Variants in NEDD4 observed in about 807,000 individuals in gnomAD.
NEDD4 encodes NEDD4 E3 ubiquitin protein ligase.
NEDD4 carries 99 observed loss-of-function variants against 144.9 expected under a neutral mutation model. The ratio of observed to expected loss-of-function variants is 0.68; its 90% confidence interval spans 0.58 to 0.81. The LOEUF (loss-of-function observed/expected upper bound fraction) is 0.81, where lower values mean the gene tolerates loss of function less well. Ranked by LOEUF, NEDD4 falls within the 30% of genes least tolerant of loss-of-function variation. The pLI is 0.00. For synonymous variants in NEDD4, 318 were observed against 350.6 expected (o/e 0.91, Z 1.04); for missense variants, 985 against 1,065.9 (o/e 0.92, Z 1.06).
chr15:55,830,368 C>G, intron 28 of NEDD4, 146 bp downstream of exon 28: 1 of 732,868 alleles, frequency 1.4e-6, no homozygotes, highest in South Asian at 1.7e-5. Flanking sequence ...AACACCTGTT[C>G]GTTGGGTGTC....
intron 2 of NEDD4, among the ~76,000 whole-genome samples, chr15:55,962,788 ATT>A (rs541842989): frequency 6.7e-6 from 1 of 149,282 alleles, no homozygotes; most frequent in Non-Finnish European, 1.5e-5. Flanking sequence ...TCCGACTTTT[ATT>A]TTTTTTATTT....
At chr15:55,935,920 G>A (rs1391185421) in intron 4 of NEDD4, among the ~76,000 whole-genome samples, 1 of 150,726 alleles carries the variant, frequency 6.6e-6, no homozygotes, top group Non-Finnish European at 1.5e-5. Context: ...CATGTCTTTG[G>A]AACTGCTGTA....
chr15:55,976,209 A>G (rs191285220), intron 1 of NEDD4, among the ~76,000 whole-genome samples: 43 of 152,360 alleles, frequency 2.8e-4, no homozygotes, highest in Non-Finnish European at 1.5e-5. Context: ...AGGCAACCAA[A>G]GCATAACTGG....
intron 4 of NEDD4, among the ~76,000 whole-genome samples, chr15:55,933,063 C>T (rs1296463058): frequency 1.3e-5 from 2 of 152,168 alleles, no homozygotes; most frequent in East Asian, 3.9e-4. Context: ...GAAATAGGAA[C>T]ACTTTTACAC....
chr15:55,946,488 AG>A (rs2037116095), intron 4 of NEDD4, among the ~76,000 whole-genome samples: 1 of 152,224 alleles, frequency 6.6e-6, no homozygotes, highest in Non-Finnish European at 1.5e-5. Context: ...CCAATACAGA[AG>A]CACCCAGATT....
Position 55,829,838 on chromosome 15 carries a change from G to T in NEDD4, c.*59C>A. ...TTAGTAGTTCCCCGGAAAATTTTAA[G>T]TCAAGATTTTGGTTATAAAACTATG... is the stretch of plus-strand genomic sequence containing the variant. On this transcript the variant is annotated 3_prime_UTR_variant, in exon 29 of 29. Transcript: ENST00000435532. The T allele has an allele frequency of 2.2e-6, 3 of 1,354,914 alleles. No homozygotes were observed. Among genetic ancestry groups the T allele is most frequent in the Non-Finnish European group, 3.1e-6 (3 of 976,114 alleles). 83.9% of individuals were successfully genotyped at this position (1,354,914 alleles called of 1,614,324 possible).
chr15:55,920,778 A>C (rs1388590952), intron 5 of NEDD4, among the ~76,000 whole-genome samples: 1 of 152,216 alleles, frequency 6.6e-6, no homozygotes, highest in Non-Finnish European at 1.5e-5. Context: ...ATTTGTTGCT[A>C]TACAATCAGG....
chr15:55,839,433 A>G (rs2033365368), intron 21 of NEDD4, among the ~76,000 whole-genome samples: 1 of 152,188 alleles, frequency 6.6e-6, no homozygotes, highest in Admixed American at 6.5e-5. Flanking sequence ...GAACCAACTC[A>G]AGTAACTGTG....
intron 2 of NEDD4, among the ~76,000 whole-genome samples, chr15:55,960,127 TA>T (rs1306124851): frequency 1.3e-5 from 2 of 152,104 alleles, no homozygotes; most frequent in African/African-American, 4.8e-5. Flanking sequence ...ACTGACCCCA[TA>T]CCCCCAAAGG....
intron 2 of NEDD4, among the ~76,000 whole-genome samples, chr15:55,959,491 T>C (rs34573227): frequency 7.2e-4 from 109 of 152,328 alleles, no homozygotes; most frequent in African/African-American, 2.5e-3. Context: ...GCCCGGAATA[T>C]TGTGGCATCC....
chr15:55,993,364 G>C, intron 1 of NEDD4, 147 bp downstream of exon 1: 1 of 956,154 alleles, frequency 1.0e-6, no homozygotes, highest in Non-Finnish European at 1.5e-6. Context: ...CAGTCCCCGC[G>C]GCGCCTCGCG....
At chr15:55,831,241 GCTAT>G (rs371324882) in intron 27 of NEDD4, among the ~76,000 whole-genome samples, 2 of 152,114 alleles carry the variant, frequency 1.3e-5, no homozygotes, top group Non-Finnish European at 2.9e-5. Context: ...CTTTTTATTG[GCTAT>G]CTAATATTGT....
chr15:55,858,881 T>G (rs895078725), intron 11 of NEDD4, among the ~76,000 whole-genome samples: 4 of 152,158 alleles, frequency 2.6e-5, no homozygotes, highest in South Asian at 2.1e-4. Flanking sequence ...ATTCAGATGA[T>G]GTCGTGTGAA....
In NEDD4 at chr15:55,960,450, G is replaced by C. The variant is rs555653714; in HGVS notation, c.119+6023C>G. 7.9e-5 allele frequency among the ~76,000 whole-genome samples: 12 copies of C among 152,302 alleles called. No individual in the cohort carries two copies. The East Asian group carries it at 2.3e-3, about 29-fold the overall frequency. On this transcript the variant is annotated intron_variant, in intron 2 of 28. Transcript: ENST00000435532. ...CCTGCCCTCGAACATCAGACTCCAA[G>C]TTCTTCAGCTTTTGGACTCTTGGAC...
chr15:55,964,978 C>A (rs1464343822), intron 2 of NEDD4, among the ~76,000 whole-genome samples: 2 of 151,910 alleles, frequency 1.3e-5, no homozygotes, highest in African/African-American at 4.8e-5. Flanking sequence ...TATGTGATTT[C>A]TTTGTGTACG....
chr15:55,907,887 T>C (rs2036150938), intron 5 of NEDD4, among the ~76,000 whole-genome samples: 2 of 152,220 alleles, frequency 1.3e-5, no homozygotes, highest in South Asian at 2.1e-4. Flanking sequence ...CACCCAGTTA[T>C]ACGGTACCAG....
At chr15:55,923,281 C>G (rs1485214223) in intron 5 of NEDD4, among the ~76,000 whole-genome samples, 3 of 152,104 alleles carry the variant, frequency 2.0e-5, no homozygotes, top group African/African-American at 2.4e-5. Context: ...AAAACACAGA[C>G]AGAAAACAAA....
intron 2 of NEDD4, among the ~76,000 whole-genome samples, chr15:55,954,916 T>A (rs1023127929): frequency 6.6e-6 from 1 of 151,666 alleles, no homozygotes; most frequent in African/African-American, 2.4e-5. Context: ...CTTCTTCAGA[T>A]ATCTTTGTTT....
chr15:55,989,622 T>A (rs1477779347), intron 1 of NEDD4, among the ~76,000 whole-genome samples: 1 of 152,228 alleles, frequency 6.6e-6, no homozygotes, highest in Non-Finnish European at 1.5e-5. Flanking sequence ...GCACTCTCCA[T>A]ACCGATAGCG....
Sources: allele counts gnomAD v4.1 joint callset (sites outside exome capture counted in the v4.1 genomes callset), GRCh38; gene constraint gnomAD v4.1.1; transcripts MANE v1.5; gene names NCBI Gene and HGNC (gene_info 2026-07-23, HGNC 2026-07-21).